The following NELL2 variants were observed in gnomAD, a reference collection of about 807,000 sequenced individuals.
The protein encoded by NELL2 is neural EGFL like 2, also known as protein kinase C-binding protein NELL2.
NELL2 carries 41 observed loss-of-function variants against 109.6 expected under a neutral mutation model. The observed-to-expected ratio is 0.37, with a 90% CI of 0.29 to 0.49. NELL2 has a LOEUF of 0.49. Among genes scored for constraint, NELL2 ranks in the 20% least tolerant of loss-of-function variants. The pLI is 0.98. For synonymous variants in NELL2, 355 were observed against 344.7 expected (o/e 1.03, Z -0.33); for missense variants, 900 against 1,008.3 (o/e 0.89, Z 1.45).
intron 13 of NELL2, among the ~76,000 whole-genome samples, chr12:44,642,169 T>TA (rs1160227099): frequency 2.0e-4 from 31 of 152,266 alleles, no homozygotes; most frequent in South Asian, 1.0e-3. Context: ...TGTGAGCAGG[T>TA]GCAATGTGCT....
At chr12:44,556,588 A>G (rs1016687388) in intron 15 of NELL2, among the ~76,000 whole-genome samples, 1 of 152,210 alleles carries the variant, frequency 6.6e-6, no homozygotes, top group African/African-American at 2.4e-5. Context: ...TGGCACTTTA[A>G]TAGCAAACTG....
intron 19 of NELL2, among the ~76,000 whole-genome samples, chr12:44,519,193 G>A (rs1179992671): frequency 6.6e-6 from 1 of 152,116 alleles, no homozygotes; most frequent in Non-Finnish European, 1.5e-5. Context: ...AATCTGACAC[G>A]TCTGCTATTT....
chr12:44,676,326 A>T (rs968753070), intron 12 of NELL2, among the ~76,000 whole-genome samples: 35 of 152,170 alleles, frequency 2.3e-4, no homozygotes, highest in Non-Finnish European at 4.0e-4. Context: ...GAATTTTTTT[A>T]AATATAAAAT....
chr12:44,668,259 A>G (rs1419432927), intron 12 of NELL2, among the ~76,000 whole-genome samples: 1 of 152,112 alleles, frequency 6.6e-6, no homozygotes, highest in East Asian at 1.9e-4. Flanking sequence ...AAGGAAGCCA[A>G]AGCGTACCCT....
At chr12:44,675,395 G>A (rs987761920) in intron 12 of NELL2, among the ~76,000 whole-genome samples, 1 of 152,108 alleles carries the variant, frequency 6.6e-6, no homozygotes, top group African/African-American at 2.4e-5. Flanking sequence ...GATTTTGTAA[G>A]CTATACAGTC....
chr12:44,852,762 T>C (rs907097378), intron 2 of NELL2, among the ~76,000 whole-genome samples: 3 of 152,188 alleles, frequency 2.0e-5, no homozygotes, highest in Non-Finnish European at 4.4e-5. Context: ...CTCATTTTTT[T>C]CCATTAGTCT....
chr12:44,521,374 C>T (rs1941521919), intron 18 of NELL2, among the ~76,000 whole-genome samples: 1 of 151,562 alleles, frequency 6.6e-6, no homozygotes, highest in African/African-American at 2.4e-5. Context: ...ACTAAAAATA[C>T]AAAAAATTAG....
chr12:44,811,582 T>C (rs1045729925), intron 3 of NELL2, among the ~76,000 whole-genome samples: 3 of 152,004 alleles, frequency 2.0e-5, no homozygotes, highest in African/African-American at 7.2e-5. Flanking sequence ...CTGGCTAGTA[T>C]TTATACTCCT....
chr12:44,801,497 T>C (rs1305607620), intron 3 of NELL2, among the ~76,000 whole-genome samples: 1 of 152,070 alleles, frequency 6.6e-6, no homozygotes, highest in Non-Finnish European at 1.5e-5. Context: ...CAGTTGAGAA[T>C]TTGTCAGGAT....
At chr12:44,769,046 T>G (rs1941446273) in intron 9 of NELL2, among the ~76,000 whole-genome samples, 1 of 152,162 alleles carries the variant, frequency 6.6e-6, no homozygotes, top group Admixed American at 6.6e-5. Flanking sequence ...TGATTTTTGT[T>G]GAAAAGTCAA....
intron 13 of NELL2, among the ~76,000 whole-genome samples, chr12:44,663,952 T>C (rs1480418693): frequency 1.3e-5 from 2 of 152,154 alleles, no homozygotes; most frequent in East Asian, 1.9e-4. Context: ...AAGTCTATAA[T>C]ACCAAAGAAT....
chr12:44,750,971 A>G (rs1296647898), intron 9 of NELL2, among the ~76,000 whole-genome samples: 5 of 152,176 alleles, frequency 3.3e-5, no homozygotes, highest in African/African-American at 1.2e-4. Flanking sequence ...CAGAAGAAAA[A>G]ATAAAAATCA....
At chr12:44,619,690 CAGAA>C (rs560638385) in intron 13 of NELL2, among the ~76,000 whole-genome samples, 177 of 152,002 alleles carry the variant, frequency 1.2e-3, no homozygotes, top group African/African-American at 3.7e-3. Context: ...CAAAGAAAAA[CAGAA>C]AGAAACTTGA....
At chr12:44,756,522 A>G (rs1166465641) in intron 9 of NELL2, among the ~76,000 whole-genome samples, 3 of 151,990 alleles carry the variant, frequency 2.0e-5, no homozygotes, top group Non-Finnish European at 4.4e-5. Context: ...CCCACTCCCC[A>G]CAGCCACTCT....
chr12:44,900,370 C>A (rs554288587), intron 1 of NELL2, among the ~76,000 whole-genome samples: 1 of 152,050 alleles, frequency 6.6e-6, no homozygotes, highest in Admixed American at 6.6e-5. Flanking sequence ...AAGTAAAACA[C>A]TCCTCAGAAA....
At chr12:44,873,638 T>C (rs1166233731) in intron 2 of NELL2, among the ~76,000 whole-genome samples, 4 of 152,020 alleles carry the variant, frequency 2.6e-5, no homozygotes, top group Non-Finnish European at 5.9e-5. Flanking sequence ...TTAGATTCCA[T>C]AAAGCTTTCC....
At chr12:44,523,735 T>G (rs1254753906) in intron 16 of NELL2, 1 of 501,540 alleles carries the variant, frequency 2.0e-6, no homozygotes, top group East Asian at 3.5e-5. Context: ...TATATCTCTG[T>G]AAATAACATT....
intron 2 of NELL2, among the ~76,000 whole-genome samples, chr12:44,871,417 C>T (rs954907892): frequency 6.6e-6 from 1 of 152,292 alleles, no homozygotes; most frequent in Non-Finnish European, 1.5e-5. Context: ...CCAAAAATAA[C>T]TTATTTGAAA....
intron 3 of NELL2, among the ~76,000 whole-genome samples, chr12:44,786,886 G>A (rs955759399): frequency 6.6e-6 from 1 of 152,036 alleles, no homozygotes; most frequent in Non-Finnish European, 1.5e-5. Flanking sequence ...TGGGGTGGGG[G>A]CAAGATGAGG....
Sources: allele counts gnomAD v4.1 joint callset (sites outside exome capture counted in the v4.1 genomes callset), GRCh38; gene constraint gnomAD v4.1.1; transcripts MANE v1.5; gene names NCBI Gene and HGNC (gene_info 2026-07-23, HGNC 2026-07-21).